ARID3B: variants seen among roughly 807,000 people sequenced by gnomAD.
ARID3B encodes AT-rich interactive domain-containing protein 3B.
ARID3B carries 10 observed loss-of-function variants against 51.9 expected under a neutral mutation model. The observed-to-expected ratio is 0.19, with a 90% CI of 0.12 to 0.33. ARID3B has a LOEUF of 0.33. Among genes scored for constraint, ARID3B ranks in the 10% least tolerant of loss-of-function variants. The pLI, the probability that ARID3B is intolerant of heterozygous loss-of-function variation, is 1.00. For missense variants in ARID3B, 483 were observed against 716.3 expected (o/e 0.67, Z 3.72); for synonymous variants, 205 against 279.5 (o/e 0.73, Z 2.66).
At chr15:74,570,172 A>C (rs1312526232) in intron 2 of ARID3B, among the ~76,000 whole-genome samples, 1 of 152,076 alleles carries the variant, frequency 6.6e-6, no homozygotes, top group Non-Finnish European at 1.5e-5. Context: ...TGACTGTCAG[A>C]TTCTCTTGCA....
chr15:74,547,304 A>G (rs934894628), intron 2 of ARID3B, among the ~76,000 whole-genome samples: 2 of 152,106 alleles, frequency 1.3e-5, no homozygotes, highest in South Asian at 2.1e-4. Context: ...GATTACAGGC[A>G]TATGCTACCA....
rs942899027 is a variant in ARID3B, at chr15:74,591,872, C to T, written c.1420+58C>T. The T allele has an allele frequency of 1.3e-5, 20 of 1,576,788 alleles. No individual in the cohort carries two copies. The African/African-American group carries it at 2.2e-4, about 17-fold the overall frequency. On this transcript the variant is annotated intron_variant, in intron 7 of 8. Coordinates refer to ENST00000346246, the MANE Select transcript of ARID3B (RefSeq NM_006465.4). This position sits in a 1 kb window ranked among gnomAD's most constrained non-coding sequence, Gnocchi z 5.8. The stretch of plus-strand genomic sequence containing the variant: ...CTGGAAACCCCAAGCCCATTCACGC[C>T]TCCTGGGACTGGTGGGGCAGGGGTG...
At chr15:74,583,616 C>T (rs181367756) in intron 4 of ARID3B, among the ~76,000 whole-genome samples, 117 of 151,888 alleles carry the variant, frequency 7.7e-4, no homozygotes, top group Non-Finnish European at 1.4e-3. Flanking sequence ...ACTTGGGAGC[C>T]GGAGGCAGGA....
In ARID3B at chr15:74,597,435, G is replaced by A; in HGVS notation, c.*1661G>A. On this transcript the variant is annotated 3_prime_UTR_variant, in exon 9 of 9. Transcript: ENST00000346246. ...AGCTTGAGCACAAACAGATACCTCAGCCCGGTAAGCTGCAGCTCTGCTCAA... is the reference window on the plus strand; with the variant it reads ...AGCTTGAGCACAAACAGATACCTCAACCCGGTAAGCTGCAGCTCTGCTCAA... The A allele has an allele frequency of 2.1e-6, 1 of 481,560 alleles. No homozygotes were observed. The highest frequency in any genetic ancestry group is 4.0e-5 in the East Asian group (1 of 25,188). The allele number at this position is 481,560 out of a possible 1,614,324, so 29.8% of individuals were successfully genotyped here.
At chr15:74,580,221 CAT>C (rs2061756377) in intron 4 of ARID3B, among the ~76,000 whole-genome samples, 1 of 152,156 alleles carries the variant, frequency 6.6e-6, no homozygotes, top group Non-Finnish European at 1.5e-5. Flanking sequence ...CTTTGGCAAA[CAT>C]AAAGCCAAAA....
At position 74,590,077 on chromosome 15, in the gene ARID3B, G is replaced by A. The variant is rs1434436622; in HGVS notation, c.881+74G>A. On this transcript the variant is annotated intron_variant, in intron 5 of 8. Transcript: ENST00000346246. ...ATGTTGTAACCTAGAGGAGAGGAAG[G>A]AAGGAAATTCCTTTGTATGGTTAGC... is the stretch of plus-strand genomic sequence containing the variant. The A allele has an allele frequency of 4.2e-6, 6 of 1,440,530 alleles. No homozygotes were observed. The East Asian group carries it at 1.2e-4, about 30-fold the overall frequency. The allele number at this position is 1,440,530 out of a possible 1,614,324, so 89.2% of individuals were successfully genotyped here. A position where few individuals can be genotyped will look rare whatever the true frequency, so the allele number is the denominator to read the frequency against.
rs571206671 is a variant in ARID3B at position 74,572,688 on chromosome 15, A to G, written c.553-174A>G. ...CCAAATCAAAAGCCAAAAAAAAAAAAGATGTCCCTGTAAGGGTGGCAGAAT... is the reference window on the plus strand; with the variant it reads ...CCAAATCAAAAGCCAAAAAAAAAAAGGATGTCCCTGTAAGGGTGGCAGAAT... On this transcript the variant is annotated intron_variant, in intron 2 of 8. Coordinates refer to ENST00000346246, the MANE Select transcript of ARID3B (RefSeq NM_006465.4). Among the ~76,000 whole-genome samples, 16 of 152,160 alleles carry G rather than the reference A, an allele frequency of 1.1e-4. No individual in the cohort carries two copies. In the East Asian group the frequency reaches 3.1e-3, roughly 29 times the overall value.
intron 2 of ARID3B, among the ~76,000 whole-genome samples, chr15:74,556,051 G>A (rs748025808): frequency 1.3e-5 from 2 of 151,460 alleles, no homozygotes; most frequent in East Asian, 2.0e-4. Context: ...CTCAGCCTCC[G>A]AAGGTGCTGG....
At chr15:74,570,985 G>A (rs2061717292) in intron 2 of ARID3B, among the ~76,000 whole-genome samples, 1 of 152,144 alleles carries the variant, frequency 6.6e-6, no homozygotes, top group Non-Finnish European at 1.5e-5. Context: ...GAGATGATGA[G>A]TGCATGGTCA....
At chr15:74,574,682 C>A (rs1355110080) in intron 4 of ARID3B, 1 of 152,122 alleles carries the variant, frequency 6.6e-6, no homozygotes, top group Non-Finnish European at 1.5e-5. Flanking sequence ...CCAGCTGTTA[C>A]CTGGAACTGC....
intron 8 of ARID3B, among the ~76,000 whole-genome samples, chr15:74,593,768 C>T (rs147731399): frequency 8.4e-4 from 128 of 152,260 alleles, no homozygotes; most frequent in African/African-American, 2.9e-3. Flanking sequence ...TGACTGGGCA[C>T]GGTGGCTGAT....
At chr15:74,541,793 G>A (rs1003620586) in intron 1 of ARID3B, among the ~76,000 whole-genome samples, 1 of 152,058 alleles carries the variant, frequency 6.6e-6, no homozygotes, top group Non-Finnish European at 1.5e-5. Flanking sequence ...AGCAGGCCGG[G>A]TTCAAAGCTG....
At chr15:74,558,178 C>CTTTTTTTTTTTTTTTTTTTTTT (rs1208034661) in intron 2 of ARID3B, among the ~76,000 whole-genome samples, 1 of 104,668 alleles carries the variant, frequency 9.6e-6, no homozygotes, top group Non-Finnish European at 1.9e-5. Context: ...TGGTTTGTGT[C>CTTTTTTTTTTTTTTTTTTTTTT]TTTTTTTTTT....
intron 2 of ARID3B, among the ~76,000 whole-genome samples, chr15:74,563,116 A>G (rs1459984302): frequency 6.6e-6 from 1 of 152,170 alleles, no homozygotes; most frequent in Non-Finnish European, 1.5e-5. Context: ...AGCCTCGACC[A>G]CCTGTCAGGC....
At chr15:74,544,926 G>A (rs533122665) in intron 2 of ARID3B, among the ~76,000 whole-genome samples, 5 of 152,172 alleles carry the variant, frequency 3.3e-5, no homozygotes, top group East Asian at 1.9e-4. Context: ...TCCTGACCCC[G>A]TGATCTGCCT....
At chr15:74,589,559 C>G (rs1252424757) in intron 4 of ARID3B, among the ~76,000 whole-genome samples, 1 of 152,204 alleles carries the variant, frequency 6.6e-6, no homozygotes, top group Non-Finnish European at 1.5e-5. Flanking sequence ...CCTTTGAAAT[C>G]ATCTAGTCTG....
Position 74,591,785 on chromosome 15 carries a change from T to G in ARID3B, c.1391T>G (p.Leu464Arg). ...AACTTTTTCAGCATGGCACGGCAGC[T>G]CCCCATGAAGATCAGGATCAACGGC... ...QRNFFSMARQLPMKIRINGRE... is the reference protein window; with the variant it reads ...QRNFFSMARQRPMKIRINGRE... The change falls in exon 7 of 9, where the codon CTC becomes CGC. Residue 464 changes from leucine (L) to arginine (R), a missense_variant. Physicochemically the swap from Leu to Arg is moderately radical, Grantham distance 102 (BLOSUM62 -2). Transcript: ENST00000346246. The surrounding 1 kb of genome is among the most constrained non-coding windows in gnomAD (Gnocchi z 5.8). 6.2e-7 allele frequency: 1 copy of G among 1,613,952 alleles called. No homozygotes were observed. The highest frequency in any genetic ancestry group is 2.2e-5 in the East Asian group (1 of 44,872).
intron 4 of ARID3B, among the ~76,000 whole-genome samples, chr15:74,578,702 C>T (rs1240688818): frequency 6.6e-6 from 1 of 152,130 alleles, no homozygotes; most frequent in African/African-American, 2.4e-5. Flanking sequence ...GCCTGGACAA[C>T]ATAGTGAGAC....
chr15:74,572,820 C>T, intron 2 of ARID3B, 42 bp from the exon 3 acceptor site: 1 of 1,596,750 alleles, frequency 6.3e-7, no homozygotes, highest in Middle Eastern at 1.7e-4. Context: ...AACTCTTTCT[C>T]TTCCTTTGCC....
Sources: allele counts gnomAD v4.1 joint callset (sites outside exome capture counted in the v4.1 genomes callset), GRCh38; gene constraint gnomAD v4.1.1; non-coding constraint Gnocchi (gnomAD v3.1); transcripts MANE v1.5; gene names NCBI Gene and HGNC (gene_info 2026-07-23, HGNC 2026-07-21).